The following INPP5D variants were observed in gnomAD, a reference collection of about 807,000 sequenced individuals.
INPP5D encodes the protein phosphatidylinositol 3,4,5-trisphosphate 5-phosphatase 1.
INPP5D carries 33 observed loss-of-function variants against 122.9 expected under a neutral mutation model. That is an observed-to-expected ratio of 0.27 (90% CI 0.20 to 0.36). The LOEUF (loss-of-function observed/expected upper bound fraction) is 0.36, where lower values mean the gene tolerates loss of function less well. Ranked by LOEUF, INPP5D falls within the 10% of genes least tolerant of loss-of-function variation. The pLI is 1.00. For missense variants in INPP5D, 1,053 were observed against 1,412.7 expected (o/e 0.75, Z 4.08); for synonymous variants, 584 against 576.2 (o/e 1.01, Z -0.19).
intron 2 of INPP5D, among the ~76,000 whole-genome samples, chr2:233,121,643 G>A (rs988138177): frequency 6.6e-6 from 1 of 151,770 alleles, no homozygotes; most frequent in Non-Finnish European, 1.5e-5. Context: ...AGCCTCCTGA[G>A]TAGCTGGGAT....
At chr2:233,071,212 C>T (rs1000484347) in intron 1 of INPP5D, among the ~76,000 whole-genome samples, 1 of 152,026 alleles carries the variant, frequency 6.6e-6, no homozygotes, top group Non-Finnish European at 1.5e-5. Context: ...TTGTTAGAAC[C>T]CAGGAGGCAG....
In INPP5D at chr2:233,137,849, AAAAAATATATATATATAT is replaced by A. The variant is rs1199255296; in HGVS notation, c.666-1991_666-1974del. On this transcript the variant is annotated intron_variant, in intron 5 of 26. Coordinates refer to ENST00000445964, the MANE Select transcript of INPP5D (RefSeq NM_001017915.3). ...CTCCATCACAAAAAAAAAAAAAAAAAAAAAATATATATATATATATATATATATATATATATATATATA... is the reference window on the plus strand; with the variant it reads ...CTCCATCACAAAAAAAAAAAAAAAAAATATATATATATATATATATATATA... Among the ~76,000 whole-genome samples the A allele has an allele frequency of 1.9e-4, 3 of 15,854 alleles. 1 individual carries two copies. The highest frequency in any genetic ancestry group is 5.4e-4 in the African/African-American group (3 of 5,604). 10.4% of individuals were successfully genotyped at this position (15,854 alleles called of 152,430 possible).
At chr2:233,141,384 T>C (rs1055617240) in intron 6 of INPP5D, 2 of 152,070 alleles carry the variant, frequency 1.3e-5, no homozygotes, top group Non-Finnish European at 2.9e-5. Flanking sequence ...CTGACCAACA[T>C]GGTGAAACGC....
rs1441459497 is a variant in INPP5D at position 233,164,169 on chromosome 2, G to C, written c.1438-138G>C. 1.4e-5 allele frequency: 20 copies of C among 1,425,648 alleles called. No homozygotes were observed. Among genetic ancestry groups the C allele is most frequent in the Non-Finnish European group, 1.7e-5 (19 of 1,087,790 alleles). The allele number at this position is 1,425,648 out of a possible 1,614,324, so 88.3% of individuals were successfully genotyped here. On this transcript the variant is annotated intron_variant, in intron 12 of 26. Coordinates refer to ENST00000445964, the MANE Select transcript of INPP5D (RefSeq NM_001017915.3). The surrounding 1 kb of genome is among the most constrained non-coding windows in gnomAD (Gnocchi z 4.3). ...TTTGTCTCGCCTATCAAGCATCGCT[G>C]GGAGTCCCCCGAAGGGTTGGGATTA...
At chr2:233,098,159 C>T (rs1441209273) in intron 2 of INPP5D, among the ~76,000 whole-genome samples, 1 of 152,132 alleles carries the variant, frequency 6.6e-6, no homozygotes, top group African/African-American at 2.4e-5. Flanking sequence ...TCCCAAAGTG[C>T]TGGGATCACA....
chr2:233,132,885 ATTTTTTTT>A (rs35276718), intron 5 of INPP5D, among the ~76,000 whole-genome samples: 3 of 117,994 alleles, frequency 2.5e-5, no homozygotes, highest in Non-Finnish European at 5.1e-5. Context: ...ATGAACAAGA[ATTTTTTTT>A]TTTTTTTTTT....
intron 1 of INPP5D, among the ~76,000 whole-genome samples, chr2:233,062,250 A>G (rs1398389973): frequency 6.6e-6 from 1 of 152,162 alleles, no homozygotes; most frequent in Non-Finnish European, 1.5e-5. Flanking sequence ...ATTAACCTTC[A>G]ACACAGCCCT....
intron 1 of INPP5D, among the ~76,000 whole-genome samples, chr2:233,077,248 C>T (rs1244030847): frequency 6.6e-6 from 1 of 152,106 alleles, no homozygotes; most frequent in Non-Finnish European, 1.5e-5. Context: ...TACTTACAAA[C>T]AGGAATAGGA....
At chr2:233,200,115 G>T (rs1559348787) in intron 25 of INPP5D, among the ~76,000 whole-genome samples, 1 of 152,228 alleles carries the variant, frequency 6.6e-6, no homozygotes, top group African/African-American at 2.4e-5. Flanking sequence ...GCCCCGGACG[G>T]TGGAGAAAAC....
chr2:233,104,128 A>G (rs550620594), intron 2 of INPP5D, among the ~76,000 whole-genome samples: 282 of 146,666 alleles, frequency 1.9e-3, no homozygotes, highest in Admixed American at 4.3e-3. Context: ...CTCCTGCCTC[A>G]GCCTCTCAAG....
intron 17 of INPP5D, among the ~76,000 whole-genome samples, chr2:233,174,791 CAAAAA>C (rs34082998): frequency 7.2e-5 from 7 of 96,860 alleles, no homozygotes; most frequent in Admixed American, 2.1e-4. Flanking sequence ...GACCCTGTCT[CAAAAA>C]AAAAAAAAAA....
intron 2 of INPP5D, among the ~76,000 whole-genome samples, chr2:233,091,867 G>A (rs1265649471): frequency 5.3e-5 from 8 of 152,238 alleles, no homozygotes; most frequent in Admixed American, 2.0e-4. Context: ...CGAGAGCCAA[G>A]ACCTTGTCCA....
intron 2 of INPP5D, among the ~76,000 whole-genome samples, chr2:233,092,158 G>A (rs2106223443): frequency 6.6e-6 from 1 of 152,348 alleles, no homozygotes; most frequent in South Asian, 2.1e-4. Context: ...GGATGAGGCA[G>A]GCGGGCGGCC....
rs1015624149 is a variant in INPP5D, at chr2:233,207,311, G to A, written c.*603G>A. 1 of 152,800 alleles carries A rather than the reference G, an allele frequency of 6.5e-6. No homozygotes were observed. Among genetic ancestry groups the A allele is most frequent in the Non-Finnish European group, 1.5e-5 (1 of 68,082 alleles). The allele number at this position is 152,800 out of a possible 1,614,324, so 9.5% of individuals were successfully genotyped here. ...GAAGAGTCTGGGTAGCTTGTTTAGG[G>A]TACAAGAAGCCTGTTCTGTCCAGCT... On this transcript the variant is annotated 3_prime_UTR_variant, in exon 27 of 27. Coordinates refer to ENST00000445964, the MANE Select transcript of INPP5D (RefSeq NM_001017915.3). This position sits in a 1 kb window ranked among gnomAD's most constrained non-coding sequence, Gnocchi z 4.6.
intron 5 of INPP5D, among the ~76,000 whole-genome samples, chr2:233,133,487 G>A (rs1026839040): frequency 6.6e-6 from 1 of 152,170 alleles, no homozygotes; most frequent in Non-Finnish European, 1.5e-5. Context: ...GGGAGAGGCT[G>A]GTGTAACATG....
At chr2:233,060,734 G>A (rs769400384) in intron 1 of INPP5D, 122 bp downstream of exon 1, 20 of 1,316,522 alleles carry the variant, frequency 1.5e-5, no homozygotes, top group African/African-American at 2.9e-5. Flanking sequence ...ACACTTCCCC[G>A]CCACCCTGTC....
chr2:233,181,808 T>G (rs552259666), intron 18 of INPP5D, among the ~76,000 whole-genome samples: 92 of 152,076 alleles, frequency 6.0e-4, no homozygotes, highest in African/African-American at 2.2e-3. Context: ...ATCAATAAAA[T>G]AAAGTGAGCC....
rs186014148 is a variant in INPP5D at position 233,130,530 on chromosome 2, G to C, written c.547G>C (p.Ala183Pro). The change falls in exon 5 of 27, where the codon GCC becomes CCC. Residue 183 changes from alanine (A) to proline (P), a missense_variant. By Grantham distance (27) the Ala-to-Pro change is conservative. This residue lies in a region of INPP5D where 196 missense variants were observed against 175.6 expected (regional missense o/e 1.12). Coordinates refer to ENST00000445964, the MANE Select transcript of INPP5D (RefSeq NM_001017915.3). ...TSGLPEEHLK[A>P]IQDYLSTQLA... ...TAGGCTTCCAGAAGAGCATCTTAAGGCCATCCAAGATTATTTAAGCACTCA... is the reference window on the plus strand; with the variant it reads ...TAGGCTTCCAGAAGAGCATCTTAAGCCCATCCAAGATTATTTAAGCACTCA... 24 of 1,613,774 alleles carry C rather than the reference G, an allele frequency of 1.5e-5. No individual in the cohort carries two copies. The highest frequency in any genetic ancestry group is 1.9e-5 in the Non-Finnish European group (23 of 1,179,882).
rs934587895 is a variant in INPP5D at position 233,204,531 on chromosome 2, G to C, written c.3381G>C (p.Ser1127=). ...PAKRPIKPSR[S]EINQQTPPTP... is the part of the protein sequence containing the mutation. ...AGAGGCCCATCAAGCCTTCCAGATC[G>C]GAAATCAACCAGCAGACCCCGCCCA... The change falls in exon 26 of 27, where the codon TCG becomes TCC. Residue 1127 remains serine (S), a synonymous_variant. Transcript: ENST00000445964. 4 of 1,579,804 alleles carry C rather than the reference G, an allele frequency of 2.5e-6. No individual in the cohort carries two copies. The highest frequency in any genetic ancestry group is 3.4e-6 in the Non-Finnish European group (4 of 1,164,482).
Sources: allele counts gnomAD v4.1 joint callset (sites outside exome capture counted in the v4.1 genomes callset), GRCh38; gene constraint gnomAD v4.1.1; regional missense constraint gnomAD v4.1.1; non-coding constraint Gnocchi (gnomAD v3.1); transcripts MANE v1.5; gene names NCBI Gene and HGNC (gene_info 2026-07-23, HGNC 2026-07-21).